The following IQCM variants were observed in gnomAD, a reference collection of about 807,000 sequenced individuals.
IQCM encodes IQ domain-containing protein M.
A neutral mutation model predicts 57.6 loss-of-function variants in IQCM; 45 were observed. The observed-to-expected ratio is 0.78, with a 90% CI of 0.62 to 1.00. The LOEUF (loss-of-function observed/expected upper bound fraction) is 1.00, where lower values mean the gene tolerates loss of function less well. Ranked by LOEUF, IQCM falls within the 50% of genes least tolerant of loss-of-function variation. IQCM has a pLI of 0.00. For missense variants in IQCM, 468 were observed against 511.6 expected, an observed-to-expected ratio of 0.91 and a Z score of 0.82; for synonymous variants, 148 against 158.9, an observed-to-expected ratio of 0.93 and a Z score of 0.51.
At chr4:149,435,258 G>A (rs1016274733) in intron 12 of IQCM, among the ~76,000 whole-genome samples, 7 of 152,020 alleles carry the variant, frequency 4.6e-5, no homozygotes, top group Admixed American at 2.0e-4. Flanking sequence ...ACAGAACTGG[G>A]TTCTAATTCT....
At chr4:149,704,000 G>A (rs1338471620) in intron 5 of IQCM, among the ~76,000 whole-genome samples, 1 of 151,756 alleles carries the variant, frequency 6.6e-6, no homozygotes, top group African/African-American at 2.4e-5. Context: ...TGGTCTTTGT[G>A]AAAAGTGTGA....
At chr4:149,715,711 C>T (rs922822945) in intron 5 of IQCM, among the ~76,000 whole-genome samples, 19 of 152,172 alleles carry the variant, frequency 1.2e-4, no homozygotes, top group African/African-American at 3.9e-4. Flanking sequence ...TGAAGAGGTG[C>T]TTTATTGAGC....
chr4:149,766,285 AT>A (rs1400046018), intron 2 of IQCM, among the ~76,000 whole-genome samples: 2 of 152,126 alleles, frequency 1.3e-5, no homozygotes, highest in Non-Finnish European at 2.9e-5. Context: ...GGGCAGTCAC[AT>A]ACTCTGTGTT....
intron 7 of IQCM, among the ~76,000 whole-genome samples, chr4:149,633,702 A>G (rs1206538439): frequency 6.6e-6 from 1 of 152,198 alleles, no homozygotes; most frequent in Non-Finnish European, 1.5e-5. Context: ...CTATGTCCAC[A>G]TATGAACCTT....
chr4:149,753,165 T>C (rs1768618586), intron 2 of IQCM, among the ~76,000 whole-genome samples: 1 of 152,088 alleles, frequency 6.6e-6, no homozygotes, highest in Admixed American at 6.6e-5. Flanking sequence ...ATTTAACATA[T>C]GTCCAAAACT....
intron 13 of IQCM, among the ~76,000 whole-genome samples, chr4:149,361,424 C>T (rs1729477206): frequency 6.6e-6 from 1 of 152,318 alleles, no homozygotes; most frequent in Middle Eastern, 3.4e-3. Context: ...CAAAGACCTT[C>T]ATGGCAGCCC....
chr4:149,768,456 A>C (rs1213655541), intron 2 of IQCM, among the ~76,000 whole-genome samples: 2 of 152,170 alleles, frequency 1.3e-5, no homozygotes, highest in Non-Finnish European at 2.9e-5. Context: ...GTTAACATAA[A>C]AAATTAAGTA....
At chr4:149,598,579 T>A (rs1021416615) in intron 8 of IQCM, among the ~76,000 whole-genome samples, 9 of 152,160 alleles carry the variant, frequency 5.9e-5, no homozygotes, top group Admixed American at 3.3e-4. Flanking sequence ...ATACATTTTT[T>A]AAAATACAAC....
chr4:149,619,642 A>T (rs1032512649), intron 8 of IQCM, among the ~76,000 whole-genome samples: 2 of 152,220 alleles, frequency 1.3e-5, no homozygotes, highest in African/African-American at 4.8e-5. Context: ...CAGATTAAGA[A>T]CTATTCAACA....
chr4:149,644,378 C>T (rs974684263), intron 7 of IQCM, among the ~76,000 whole-genome samples: 11 of 152,074 alleles, frequency 7.2e-5, no homozygotes, highest in African/African-American at 2.7e-4. Flanking sequence ...AATAAACTTG[C>T]CAATGGTGTT....
intron 13 of IQCM, among the ~76,000 whole-genome samples, chr4:149,365,555 A>T (rs1266522888): frequency 1.3e-5 from 2 of 152,160 alleles, no homozygotes; most frequent in Admixed American, 6.6e-5. Context: ...CAGAAAATGT[A>T]AAGGGAAGGG....
chr4:149,395,892 A>G (rs1732191547), intron 13 of IQCM, among the ~76,000 whole-genome samples: 1 of 151,966 alleles, frequency 6.6e-6, no homozygotes, highest in Non-Finnish European at 1.5e-5. Context: ...ACAAATAAAA[A>G]TCCAGTTTTA....
At chr4:149,511,869 C>T (rs1470743854) in intron 12 of IQCM, among the ~76,000 whole-genome samples, 1 of 152,132 alleles carries the variant, frequency 6.6e-6, no homozygotes, top group African/African-American at 2.4e-5. Flanking sequence ...ACTGCAGTAG[C>T]CCTCAAAAAC....
intron 4 of IQCM, among the ~76,000 whole-genome samples, chr4:149,734,022 T>C (rs887394269): frequency 1.7e-4 from 26 of 152,144 alleles, no homozygotes; most frequent in African/African-American, 6.3e-4. Flanking sequence ...TTTCATATCC[T>C]TTAATCATAA....
intron 12 of IQCM, among the ~76,000 whole-genome samples, chr4:149,495,245 T>C (rs569907139): frequency 6.6e-6 from 1 of 152,214 alleles, no homozygotes; most frequent in South Asian, 2.1e-4. Flanking sequence ...TTTTAAAAGC[T>C]AGATCTACTG....
At chr4:149,663,075 TC>T (rs1468731444) in intron 7 of IQCM, among the ~76,000 whole-genome samples, 1 of 152,008 alleles carries the variant, frequency 6.6e-6, no homozygotes, top group African/African-American at 2.4e-5. Flanking sequence ...TACTATAATT[TC>T]TTTCTTTGTG....
At chr4:149,708,889 A>G (rs1346734963) in intron 5 of IQCM, among the ~76,000 whole-genome samples, 1 of 152,106 alleles carries the variant, frequency 6.6e-6, no homozygotes, top group East Asian at 1.9e-4. Context: ...TGCCAATGGT[A>G]TTAACAACCA....
intron 2 of IQCM, among the ~76,000 whole-genome samples, chr4:149,814,248 A>G (rs1774848045): frequency 6.6e-6 from 1 of 152,054 alleles, no homozygotes; most frequent in Non-Finnish European, 1.5e-5. Context: ...TGAAGTACAA[A>G]TGTCTATCAA....
intron 12 of IQCM, among the ~76,000 whole-genome samples, chr4:149,443,693 G>C (rs1460226760): frequency 1.5e-5 from 2 of 135,264 alleles, no homozygotes; most frequent in Non-Finnish European, 3.2e-5. Context: ...GGAAAGGAAA[G>C]GAAAGGAAAG....
Sources: gnomAD v4.1 joint callset for allele counts (sites outside exome capture counted in the v4.1 genomes callset) on GRCh38, gnomAD v4.1.1 for gene constraint, MANE v1.5 for transcripts, NCBI Gene and HGNC (gene_info 2026-07-23, HGNC 2026-07-21) for gene names.